The following KIF6 variants were observed in gnomAD, a reference collection of about 807,000 sequenced individuals.
The protein encoded by KIF6 is kinesin family member 6, also known as kinesin-like protein KIF6.
A neutral mutation model predicts 112.7 loss-of-function variants in KIF6; 106 were observed. That is an observed-to-expected ratio of 0.94 (90% CI 0.80 to 1.11). KIF6 has a LOEUF of 1.11. Among genes scored for constraint, KIF6 ranks in the 50% least tolerant of loss-of-function variants. The pLI, the probability that KIF6 is intolerant of heterozygous loss-of-function variation, is 0.00. For synonymous variants in KIF6, 339 were observed against 339.9 expected, an observed-to-expected ratio of 1.00 and a Z score of 0.03; for missense variants, 929 against 964.0, an observed-to-expected ratio of 0.96 and a Z score of 0.48.
chr6:39,515,002 A>G (rs1419018680), intron 13 of KIF6, among the ~76,000 whole-genome samples: 1 of 152,224 alleles, frequency 6.6e-6, no homozygotes, highest in Non-Finnish European at 1.5e-5. Context: ...AATAAAATTA[A>G]TGCTCTGAAA....
At chr6:39,635,696 G>C (rs541893699) in intron 4 of KIF6, among the ~76,000 whole-genome samples, 1 of 151,990 alleles carries the variant, frequency 6.6e-6, no homozygotes, top group African/African-American at 2.4e-5. Flanking sequence ...AAAGGTGCCT[G>C]GTCCTAGTCT....
At chr6:39,385,529 A>T in intron 16 of KIF6, 93 bp downstream of exon 16, 1 of 1,073,358 alleles carries the variant, frequency 9.3e-7, no homozygotes, top group East Asian at 2.4e-5. Flanking sequence ...AGAGGGTTTT[A>T]AATGGGTTAT....
intron 13 of KIF6, among the ~76,000 whole-genome samples, chr6:39,444,874 G>A (rs865883335): frequency 1.7e-4 from 26 of 151,984 alleles, no homozygotes; most frequent in Admixed American, 9.8e-4. Context: ...GAGCTGGAAC[G>A]TGGACCAAAA....
At chr6:39,365,447 C>T (rs1765488467) in intron 16 of KIF6, among the ~76,000 whole-genome samples, 1 of 152,168 alleles carries the variant, frequency 6.6e-6, no homozygotes, top group Admixed American at 6.5e-5. Context: ...TGGGGTCCTC[C>T]TGCTCTTAGT....
intron 15 of KIF6, among the ~76,000 whole-genome samples, chr6:39,397,937 G>A (rs1768395219): frequency 6.6e-6 from 1 of 152,130 alleles, no homozygotes; most frequent in Non-Finnish European, 1.5e-5. Context: ...AACAGAGATG[G>A]AGAGGGAATT....
chr6:39,344,375 A>G (rs1042531119), intron 21 of KIF6, among the ~76,000 whole-genome samples: 3 of 152,182 alleles, frequency 2.0e-5, no homozygotes, highest in African/African-American at 7.2e-5. Context: ...GTGTGAAAAC[A>G]GACTAATACA....
intron 6 of KIF6, 101 bp from the exon 7 acceptor site, chr6:39,596,361 T>C (rs1433729999): frequency 1.2e-6 from 1 of 820,644 alleles, no homozygotes; most frequent in Non-Finnish European, 2.0e-6. Flanking sequence ...ACATTTCCCA[T>C]GAAGCCAACT....
intron 5 of KIF6, among the ~76,000 whole-genome samples, chr6:39,631,492 G>C (rs1027976610): frequency 6.6e-6 from 1 of 152,116 alleles, no homozygotes; most frequent in Admixed American, 6.6e-5. Context: ...TATCAATAAT[G>C]GGTGTTAAAT....
intron 3 of KIF6, among the ~76,000 whole-genome samples, chr6:39,710,231 G>C (rs983445931): frequency 2.0e-5 from 3 of 152,176 alleles, no homozygotes; most frequent in South Asian, 2.1e-4. Flanking sequence ...CTGGAGGAAA[G>C]AGGGCCTCAC....
intron 13 of KIF6, among the ~76,000 whole-genome samples, chr6:39,477,703 A>G (rs1774519555): frequency 6.6e-6 from 1 of 152,128 alleles, no homozygotes; most frequent in Non-Finnish European, 1.5e-5. Context: ...TCTACTAAAA[A>G]TACAAAAATT....
intron 15 of KIF6, 40 bp from the exon 16 acceptor site, chr6:39,385,712 A>C: frequency 7.2e-7 from 1 of 1,398,464 alleles, no homozygotes; most frequent in Non-Finnish European, 1.0e-6. Context: ...TGGGTTTCCA[A>C]TGGGCTGGAG....
At chr6:39,419,904 GA>G in intron 15 of KIF6, 43 bp downstream of exon 15, 1 of 1,533,172 alleles carries the variant, frequency 6.5e-7, no homozygotes, top group African/African-American at 1.4e-5. Flanking sequence ...TTTTCACCAG[GA>G]AAATGGTTTC....
At position 39,556,333 on chromosome 6, in the gene KIF6, T is replaced by C. The variant is rs549503217; in HGVS notation, c.1182-10645A>G. 2.6e-5 allele frequency among the ~76,000 whole-genome samples: 4 copies of C among 152,232 alleles called. No individual in the cohort carries two copies. In the East Asian group the frequency reaches 7.7e-4, roughly 29 times the overall value. On this transcript the variant is annotated intron_variant, in intron 10 of 22. Coordinates refer to ENST00000287152, the MANE Select transcript of KIF6 (RefSeq NM_145027.6). Reference sequence around the variant, plus strand: ...GAAGGGAGTCAGTGAGCAGGAGATCTAGCAGCAGGAAAATGTGGAAGATAA... The same window carrying C: ...GAAGGGAGTCAGTGAGCAGGAGATCCAGCAGCAGGAAAATGTGGAAGATAA...
chr6:39,421,436 G>A (rs773993979), intron 14 of KIF6, among the ~76,000 whole-genome samples: 7 of 151,992 alleles, frequency 4.6e-5, no homozygotes, highest in East Asian at 3.9e-4. Flanking sequence ...CTAATATCCC[G>A]GCAAATCCCA....
intron 13 of KIF6, among the ~76,000 whole-genome samples, chr6:39,485,471 C>T (rs913651321): frequency 2.6e-5 from 4 of 152,058 alleles, no homozygotes; most frequent in African/African-American, 9.7e-5. Context: ...ATATGAGTTC[C>T]TTAAAGGCTG....
At chr6:39,478,046 A>T (rs1774543670) in intron 13 of KIF6, among the ~76,000 whole-genome samples, 1 of 152,102 alleles carries the variant, frequency 6.6e-6, no homozygotes, top group Non-Finnish European at 1.5e-5. Context: ...TATTTTTTAA[A>T]AATTTTTCAT....
chr6:39,533,034 A>G (rs566056702), intron 13 of KIF6, among the ~76,000 whole-genome samples: 91 of 152,382 alleles, frequency 6.0e-4, no homozygotes, highest in Non-Finnish European at 1.2e-3. Context: ...AGGGCAGCCA[A>G]GATGGCTGAA....
At chr6:39,572,681 T>TTTTTA (rs1554128231) in intron 10 of KIF6, among the ~76,000 whole-genome samples, 5 of 138,054 alleles carry the variant, frequency 3.6e-5, no homozygotes, top group Non-Finnish European at 4.6e-5. Flanking sequence ...TTTTTTTTTT[T>TTTTTA]ACCAAAGAAA....
At chr6:39,563,753 A>G (rs1780139402) in intron 10 of KIF6, among the ~76,000 whole-genome samples, 2 of 152,198 alleles carry the variant, frequency 1.3e-5, no homozygotes, top group African/African-American at 2.4e-5. Context: ...TTTACAAAGG[A>G]CTTGCCCCAG....
Sources: gnomAD v4.1 joint callset for allele counts (sites outside exome capture counted in the v4.1 genomes callset) on GRCh38, gnomAD v4.1.1 for gene constraint, MANE v1.5 for transcripts, NCBI Gene and HGNC (gene_info 2026-07-23, HGNC 2026-07-21) for gene names.